The following TBCK variants were observed in gnomAD, a reference collection of about 807,000 sequenced individuals.
TBCK encodes the protein TBC1 domain containing kinase.
TBCK carries 99 observed loss-of-function variants against 113.4 expected under a neutral mutation model. The ratio of observed to expected loss-of-function variants is 0.87; its 90% CI spans 0.74 to 1.03. The LOEUF (loss-of-function observed/expected upper bound fraction) is 1.03, where lower values mean the gene tolerates loss of function less well. TBCK is among the 50% of genes least tolerant of loss of function. The probability of loss-of-function intolerance (pLI) is 0.00; values close to 1 mark genes in which losing one functional copy is unlikely to be tolerated. For missense variants in TBCK, 1,045 were observed against 1,061.3 expected, an observed-to-expected ratio of 0.98 and a Z score of 0.21; for synonymous variants, 369 against 370.8, an observed-to-expected ratio of 1.00 and a Z score of 0.05.
At chr4:106,302,598 G>GGGAATAAA (rs1767065642) in intron 2 of TBCK, among the ~76,000 whole-genome samples, 1 of 152,122 alleles carries the variant, frequency 6.6e-6, no homozygotes, top group Non-Finnish European at 1.5e-5. Context: ...CAGATACAGT[G>GGGAATAAA]GGAATAAACA....
intron 23 of TBCK, among the ~76,000 whole-genome samples, chr4:106,157,621 A>G (rs1749277740): frequency 6.6e-6 from 1 of 152,102 alleles, no homozygotes; most frequent in African/African-American, 2.4e-5. Context: ...TTCTGCTGTA[A>G]CAGGATATCA....
chr4:106,264,275 G>A (rs1274870703), intron 3 of TBCK, among the ~76,000 whole-genome samples: 1 of 151,984 alleles, frequency 6.6e-6, no homozygotes, highest in East Asian at 1.9e-4. Flanking sequence ...GACAGATAAT[G>A]TGGTCAGGGA....
chr4:106,104,575 C>T (rs1486826130), intron 24 of TBCK, among the ~76,000 whole-genome samples: 1 of 152,082 alleles, frequency 6.6e-6, no homozygotes, highest in East Asian at 1.9e-4. Context: ...CTTTAAACCA[C>T]AGTCTGAGCT....
chr4:106,096,364 T>C (rs1740898702), intron 24 of TBCK, among the ~76,000 whole-genome samples: 2 of 152,186 alleles, frequency 1.3e-5, no homozygotes, highest in Admixed American at 6.5e-5. Flanking sequence ...TTATAACACA[T>C]ACTAAGAACC....
At chr4:106,241,460 A>T (rs1760130776) in intron 12 of TBCK, among the ~76,000 whole-genome samples, 1 of 152,006 alleles carries the variant, frequency 6.6e-6, no homozygotes, top group African/African-American at 2.4e-5. Flanking sequence ...AGGACAAAAA[A>T]ACTGAAGGTC....
chr4:106,152,088 A>C (rs2149683866), intron 23 of TBCK, among the ~76,000 whole-genome samples: 1 of 151,914 alleles, frequency 6.6e-6, no homozygotes, highest in East Asian at 1.9e-4. Context: ...CTCTTTGTCT[A>C]ATTGCTCTGG....
At chr4:106,226,129 A>C (rs2149970134) in intron 19 of TBCK, among the ~76,000 whole-genome samples, 1 of 152,250 alleles carries the variant, frequency 6.6e-6, no homozygotes, top group East Asian at 1.9e-4. Flanking sequence ...GTGCCATGGC[A>C]CTCTAACCTG....
intron 19 of TBCK, among the ~76,000 whole-genome samples, chr4:106,221,397 A>C (rs1757665309): frequency 6.6e-6 from 1 of 152,154 alleles, no homozygotes; most frequent in Non-Finnish European, 1.5e-5. Flanking sequence ...TATATGTTAT[A>C]TATCACTTCA....
intron 19 of TBCK, among the ~76,000 whole-genome samples, chr4:106,222,682 T>C (rs964687016): frequency 3.3e-5 from 5 of 152,172 alleles, no homozygotes; most frequent in Non-Finnish European, 7.4e-5. Context: ...TATGTATCTG[T>C]TGTCAACTAA....
chr4:106,245,928 A>C (rs1161876243), intron 10 of TBCK, among the ~76,000 whole-genome samples: 3 of 152,144 alleles, frequency 2.0e-5, no homozygotes, highest in Non-Finnish European at 4.4e-5. Flanking sequence ...TACTGCCCAT[A>C]GCAAGGGAAA....
chr4:106,082,461 A>G (rs1306833545), intron 25 of TBCK, among the ~76,000 whole-genome samples: 1 of 152,144 alleles, frequency 6.6e-6, no homozygotes, highest in Non-Finnish European at 1.5e-5. Flanking sequence ...GGAGAGAGAC[A>G]TGGTTTTTAG....
intron 25 of TBCK, among the ~76,000 whole-genome samples, chr4:106,048,755 G>C (rs767836602): frequency 3.3e-5 from 5 of 152,108 alleles, no homozygotes; most frequent in African/African-American, 7.2e-5. Flanking sequence ...GAGTAACGAA[G>C]GACTGTACAT....
chr4:106,107,088 T>C, intron 24 of TBCK, among the ~76,000 whole-genome samples: 1 of 151,914 alleles, frequency 6.6e-6, no homozygotes, highest in Non-Finnish European at 1.5e-5. Flanking sequence ...AAGACCTAAC[T>C]ATTCTAAATA....
intron 3 of TBCK, among the ~76,000 whole-genome samples, chr4:106,277,060 G>T (rs1209585107): frequency 6.6e-6 from 1 of 152,026 alleles, no homozygotes; most frequent in East Asian, 1.9e-4. Context: ...CATATGTGAT[G>T]ATATGAATAC....
intron 10 of TBCK, among the ~76,000 whole-genome samples, chr4:106,245,008 C>A (rs1308163928): frequency 6.6e-6 from 1 of 152,140 alleles, no homozygotes; most frequent in African/African-American, 2.4e-5. Context: ...GGACAAACTT[C>A]TGTCCCCAGG....
intron 23 of TBCK, among the ~76,000 whole-genome samples, chr4:106,157,707 AC>A (rs1749294403): frequency 6.6e-6 from 1 of 151,900 alleles, no homozygotes; most frequent in Non-Finnish European, 1.5e-5. Flanking sequence ...GACTGTTTCT[AC>A]CCTCCTCAGT....
At chr4:106,263,507 G>A (rs578202592) in intron 3 of TBCK, among the ~76,000 whole-genome samples, 1 of 151,810 alleles carries the variant, frequency 6.6e-6, no homozygotes, top group East Asian at 1.9e-4. Flanking sequence ...GCTTGGGTGG[G>A]GGGTAGGTGG....
intron 22 of TBCK, among the ~76,000 whole-genome samples, chr4:106,186,231 T>C (rs1028809503): frequency 2.0e-5 from 3 of 152,216 alleles, no homozygotes; most frequent in African/African-American, 7.2e-5. Context: ...TGATTTATAA[T>C]CCTTTGGGTA....
intron 24 of TBCK, among the ~76,000 whole-genome samples, chr4:106,103,285 G>A (rs1279486480): frequency 6.6e-6 from 1 of 152,140 alleles, no homozygotes; most frequent in Non-Finnish European, 1.5e-5. Flanking sequence ...TGGTATCTGG[G>A]ATTAGTCCTC....
Sources: gnomAD v4.1 joint callset for allele counts (sites outside exome capture counted in the v4.1 genomes callset) on GRCh38, gnomAD v4.1.1 for gene constraint, MANE v1.5 for transcripts, NCBI Gene and HGNC (gene_info 2026-07-23, HGNC 2026-07-21) for gene names.